Variants in SMC5 observed in about 807,000 individuals in gnomAD.
SMC5 encodes structural maintenance of chromosomes 5.
A neutral mutation model predicts 148.3 loss-of-function variants in SMC5; 88 were observed. The observed-to-expected ratio is 0.59, with a 90% CI of 0.50 to 0.71. The LOEUF (loss-of-function observed/expected upper bound fraction) is 0.71. Among genes scored for constraint, SMC5 ranks in the 30% least tolerant of loss-of-function variants. SMC5 has a pLI of 0.00. For synonymous variants in SMC5, 421 were observed against 432.8 expected (o/e 0.97, Z 0.34); for missense variants, 1,142 against 1,298.9 (o/e 0.88, Z 1.86).
chr9:70,313,495 GTTTTGT>G (rs2035713910), intron 11 of SMC5, among the ~76,000 whole-genome samples: 1 of 151,292 alleles, frequency 6.6e-6, no homozygotes, highest in Non-Finnish European at 1.5e-5. Flanking sequence ...TTTTTGTTTT[GTTTTGT>G]TTTTGTTTTT....
intron 3 of SMC5, among the ~76,000 whole-genome samples, chr9:70,272,140 A>G (rs2034465637): frequency 6.6e-6 from 1 of 152,198 alleles, no homozygotes; most frequent in African/African-American, 2.4e-5. Flanking sequence ...AATTATATAC[A>G]GAGTATGGGA....
intron 3 of SMC5, among the ~76,000 whole-genome samples, chr9:70,274,955 G>A (rs940678744): frequency 6.6e-6 from 1 of 151,878 alleles, no homozygotes; most frequent in African/African-American, 2.4e-5. Context: ...GTCAGTGTTT[G>A]TTTAGAATTA....
At chr9:70,284,962 T>G (rs2034856467) in intron 7 of SMC5, among the ~76,000 whole-genome samples, 1 of 152,092 alleles carries the variant, frequency 6.6e-6, no homozygotes, top group Admixed American at 6.6e-5. Flanking sequence ...CACACAGACC[T>G]GTATTTTAAA....
chr9:70,267,619 CA>C, intron 2 of SMC5, among the ~76,000 whole-genome samples: 1 of 152,082 alleles, frequency 6.6e-6, no homozygotes. Flanking sequence ...GCTCTGGAGC[CA>C]AGATTTCCTG....
chr9:70,280,191 C>G (rs1033799184), intron 5 of SMC5, among the ~76,000 whole-genome samples: 3 of 152,174 alleles, frequency 2.0e-5, no homozygotes, highest in African/African-American at 4.8e-5. Context: ...AAACACTCAC[C>G]TACACTCTTG....
chr9:70,330,087 G>A (rs751153429), intron 17 of SMC5, among the ~76,000 whole-genome samples: 37 of 152,140 alleles, frequency 2.4e-4, no homozygotes, highest in East Asian at 1.7e-3. Flanking sequence ...TGGGGATTAC[G>A]GTTCAACATG....
intron 17 of SMC5, among the ~76,000 whole-genome samples, chr9:70,327,592 A>G (rs2036114346): frequency 6.6e-6 from 1 of 152,214 alleles, no homozygotes; most frequent in South Asian, 2.1e-4. Flanking sequence ...ATGGTTAAAT[A>G]GAGAATTTTG....
chr9:70,308,633 G>C (rs186579814), intron 11 of SMC5, among the ~76,000 whole-genome samples: 16 of 139,274 alleles, frequency 1.1e-4, no homozygotes, highest in Non-Finnish European at 2.2e-4. Flanking sequence ...TTACTAATCT[G>C]TCCTACCATG....
intron 19 of SMC5, 127 bp downstream of exon 19, chr9:70,346,776 T>A: frequency 2.1e-6 from 2 of 938,368 alleles, no homozygotes; most frequent in Non-Finnish European, 3.3e-6. Flanking sequence ...TCCTGTAGCA[T>A]GAACTGATAC....
chr9:70,318,801 A>T lies in SMC5; in HGVS notation c.1988A>T (p.His663Leu). The change falls in exon 15 of 25, where the codon CAT (histidine) becomes CTT (leucine). Residue 663 changes from histidine to leucine, a missense_variant. Transcript: ENST00000361138. ...TTTTTAAATATTTTATAGGAAATTC[A>T]TAGAAAATTGCAAGCAGTGGATTCA... is the stretch of plus-strand genomic sequence containing the variant. Reference protein sequence around the residue: ...RHLEEQLKEIHRKLQAVDSGL... With the variant: ...RHLEEQLKEILRKLQAVDSGL... 1 of 1,562,826 alleles carries T rather than the reference A, an allele frequency of 6.4e-7. No homozygotes were observed. The highest frequency in any genetic ancestry group is 8.6e-7 in the Non-Finnish European group (1 of 1,162,260).
intron 8 of SMC5, among the ~76,000 whole-genome samples, chr9:70,294,775 T>C (rs1310585886): frequency 1.3e-5 from 2 of 152,136 alleles, no homozygotes; most frequent in African/African-American, 2.4e-5. Context: ...GAAAAGATGA[T>C]TGAAGTTGAA....
intron 11 of SMC5, among the ~76,000 whole-genome samples, chr9:70,314,058 C>T (rs1051521776): frequency 2.0e-5 from 3 of 152,146 alleles, no homozygotes; most frequent in Non-Finnish European, 4.4e-5. Flanking sequence ...GTTCATGGGG[C>T]AGCCAAGGAT....
Position 70,259,258 on chromosome 9 carries a change from C to G in SMC5, c.180C>G (p.Asn60Lys). ...EGSIVRISME[N>K]FLTYDICEVS... Reference sequence around the variant, plus strand: ...CTATCGTCCGCATCTCGATGGAGAACTTCCTGTAAGTTGCCCGGAGGCCGC... The same window carrying G: ...CTATCGTCCGCATCTCGATGGAGAAGTTCCTGTAAGTTGCCCGGAGGCCGC... The change falls in exon 1 of 25, where the codon AAC becomes AAG. Residue 60 changes from asparagine (N) to lysine (K), a missense_variant. This residue lies in a region of SMC5 where 297 missense variants were observed against 302.6 expected (regional missense o/e 0.98). Transcript: ENST00000361138. 2 of 1,582,892 alleles carry G rather than the reference C, an allele frequency of 1.3e-6. No homozygotes were observed. Among genetic ancestry groups the G allele is most frequent in the Non-Finnish European group, 1.7e-6 (2 of 1,163,530 alleles).
intron 18 of SMC5, chr9:70,344,604 G>A: frequency 6.6e-6 from 1 of 152,302 alleles, no homozygotes; most frequent in Non-Finnish European, 1.5e-5. Context: ...AAATGAAAAT[G>A]TTTCCCTGGA....
At chr9:70,345,765 T>TA (rs2036650751) in intron 18 of SMC5, among the ~76,000 whole-genome samples, 1 of 152,108 alleles carries the variant, frequency 6.6e-6, no homozygotes, top group Admixed American at 6.6e-5. Flanking sequence ...AAAGTGACAT[T>TA]ACTACTTTTA....
chr9:70,325,040 G>T (rs779339103), intron 17 of SMC5, among the ~76,000 whole-genome samples: 1 of 152,160 alleles, frequency 6.6e-6, no homozygotes, highest in East Asian at 1.9e-4. Context: ...AGACATGGTT[G>T]TTGATTGAAT....
At chr9:70,347,045 G>A (rs775353939) in intron 19 of SMC5, 21 bp from the exon 20 acceptor site, 1 of 1,577,962 alleles carries the variant, frequency 6.3e-7, no homozygotes, top group Non-Finnish European at 8.7e-7. Context: ...TATCTATAAT[G>A]ACGGGCAATT....
chr9:70,312,633 A>G (rs2035689104), intron 11 of SMC5, among the ~76,000 whole-genome samples: 1 of 152,200 alleles, frequency 6.6e-6, no homozygotes, highest in African/African-American at 2.4e-5. Flanking sequence ...GAGAATTTTT[A>G]TTGTAAATGG....
intron 18 of SMC5, 27 bp downstream of exon 18, chr9:70,344,296 C>G: frequency 1.4e-6 from 2 of 1,382,438 alleles, no homozygotes; most frequent in Non-Finnish European, 1.9e-6. Context: ...TATAATGCTA[C>G]AATTGCCATA....
Sources: allele counts gnomAD v4.1 joint callset (sites outside exome capture counted in the v4.1 genomes callset), GRCh38; gene constraint gnomAD v4.1.1; regional missense constraint gnomAD v4.1.1; transcripts MANE v1.5; gene names NCBI Gene and HGNC (gene_info 2026-07-23, HGNC 2026-07-21).